Variants in YTHDF1 observed in about 807,000 individuals in gnomAD.
YTHDF1 encodes YTH domain-containing family protein 1.
In YTHDF1, 16 loss-of-function variants were observed where a neutral mutation model predicts 49.1. The ratio of observed to expected loss-of-function variants is 0.33; its 90% CI spans 0.22 to 0.49. The LOEUF (loss-of-function observed/expected upper bound fraction) is 0.49. Ranked by LOEUF, YTHDF1 falls within the 20% of genes least tolerant of loss-of-function variation. The pLI is 0.99. For synonymous variants in YTHDF1, 313 were observed against 290.1 expected, an observed-to-expected ratio of 1.08 and a Z score of -0.80; for missense variants, 621 against 744.3, an observed-to-expected ratio of 0.83 and a Z score of 1.93.
intron 3 of YTHDF1, among the ~76,000 whole-genome samples, chr20:63,207,069 C>T (rs945525735): frequency 2.6e-5 from 4 of 152,254 alleles, no homozygotes; most frequent in Non-Finnish European, 5.9e-5. Flanking sequence ...AGCGCTCACT[C>T]GCTGCCAAGT....
intron 3 of YTHDF1, among the ~76,000 whole-genome samples, chr20:63,205,952 T>C (rs2066543746): frequency 6.6e-6 from 1 of 151,322 alleles, no homozygotes; most frequent in South Asian, 2.1e-4. Context: ...TCAAAACAGT[T>C]TCCATGATGC....
intron 3 of YTHDF1, among the ~76,000 whole-genome samples, chr20:63,205,727 T>C (rs901180608): frequency 2.0e-5 from 3 of 152,152 alleles, no homozygotes; most frequent in Non-Finnish European, 4.4e-5. Context: ...CAGGCTGGTC[T>C]CGAACTCCCA....
Position 63,215,953 on chromosome 20 carries a change from C to A in YTHDF1, c.-61G>T. 1 of 1,240,230 alleles carries A rather than the reference C, an allele frequency of 8.1e-7. No homozygotes were observed. The highest frequency in any genetic ancestry group is 1.0e-6 in the Non-Finnish European group (1 of 987,128). 76.8% of individuals were successfully genotyped at this position (1,240,230 alleles called of 1,614,324 possible). A position where few individuals can be genotyped will look rare whatever the true frequency, so the allele number is the denominator to read the frequency against. ...CGCCGGCTCGGGCCTCCCCTAGAGG[C>A]CGGGCCTGTCACCCTAGCTCGCGCG... is the stretch of plus-strand genomic sequence containing the variant. On this transcript the variant is annotated 5_prime_UTR_variant, in exon 1 of 5. Coordinates refer to ENST00000370339, the MANE Select transcript of YTHDF1 (RefSeq NM_017798.4).
intron 3 of YTHDF1, among the ~76,000 whole-genome samples, chr20:63,206,523 T>C (rs6122104): frequency 0.34 from 51,003 of 152,116 alleles, 8,645 homozygotes; most frequent in Middle Eastern, 0.45. Flanking sequence ...CCTGCAGTTC[T>C]AGCCAGTACT....
chr20:63,212,572 G>C (rs983330454), intron 3 of YTHDF1, among the ~76,000 whole-genome samples: 2 of 152,254 alleles, frequency 1.3e-5, no homozygotes, highest in African/African-American at 4.8e-5. Flanking sequence ...GGAGCTCACA[G>C]AGGTGCAGCC....
At chr20:63,215,481 G>C in intron 2 of YTHDF1, 96 bp downstream of exon 2, 2 of 1,546,516 alleles carry the variant, frequency 1.3e-6, no homozygotes, top group Non-Finnish European at 1.8e-6. Flanking sequence ...TGGCGGAAGA[G>C]AGAAAGTTTC....
Position 63,215,883 on chromosome 20 carries a change from T to C in YTHDF1, c.10A>G (p.Thr4Ala). Reference protein sequence around the residue: MSATSVDTQRTKGQ... With the variant: MSAASVDTQRTKGQ... ...CCCGCTACCTGGGTGTCCACGCTGG[T>C]GGCCGACATGCTTCATGAACAACTA... The change falls in exon 1 of 5, where the codon ACC becomes GCC. Residue 4 changes from threonine (T) to alanine (A), a missense_variant. Physicochemically the swap from Thr to Ala is moderately conservative, Grantham distance 58 (BLOSUM62 0). Coordinates refer to ENST00000370339, the MANE Select transcript of YTHDF1 (RefSeq NM_017798.4). 2 of 1,447,296 alleles carry C rather than the reference T, an allele frequency of 1.4e-6. No homozygotes were observed. The highest frequency in any genetic ancestry group is 1.4e-5 in the South Asian group (1 of 73,388). 89.7% of individuals were successfully genotyped at this position (1,447,296 alleles called of 1,614,324 possible).
chr20:63,213,337 C>G (rs562622009), intron 3 of YTHDF1, among the ~76,000 whole-genome samples: 2 of 152,304 alleles, frequency 1.3e-5, no homozygotes, highest in South Asian at 4.1e-4. Context: ...GAGGCTGAGG[C>G]AGGAGGAATG....
In YTHDF1 at chr20:63,202,387, T is replaced by C. The variant is rs757663284; in HGVS notation, c.1553A>G (p.Gln518Arg). 6.2e-7 allele frequency: 1 copy of C among 1,614,278 alleles called. No homozygotes were observed. The highest frequency in any genetic ancestry group is 8.5e-7 in the Non-Finnish European group (1 of 1,180,046). ...TQEVPLEKAK[Q>R]VLKIISSYKH... Reference sequence around the variant, plus strand: ...GTAGGAACTGATAATTTTCAGCACTTGCTTGGCTTTTTCTAAGGGCACCTC... The same window carrying C: ...GTAGGAACTGATAATTTTCAGCACTCGCTTGGCTTTTTCTAAGGGCACCTC... Residue 518 changes from glutamine (Q) to arginine (R), a missense_variant, in exon 4 of 5, where the codon CAA (glutamine) becomes CGA (arginine). Transcript: ENST00000370339.
At position 63,202,340 on chromosome 20, in the gene YTHDF1, C is replaced by T. The variant is rs757206220; in HGVS notation, c.1600G>A (p.Asp534Asn). 6.2e-6 allele frequency: 10 copies of T among 1,614,234 alleles called. No individual in the cohort carries two copies. The highest frequency in any genetic ancestry group is 2.2e-5 in the East Asian group (1 of 44,894). ...SSYKHTTSIF[D>N]DFAHYEKRQE... ...CGCTTCTCGTAGTGAGCAAAGTCGT[C>T]GAAGATGGAGGTTGTGTGCTTGTAG... The change falls in exon 4 of 5, where the codon GAC (aspartate) becomes AAC (asparagine). Residue 534 changes from aspartate (D) to asparagine (N), a missense_variant. Around this residue, in one of 2 missense-constraint regions of YTHDF1, gnomAD observed 151 missense variants for 248.5 expected, o/e 0.61. Coordinates refer to ENST00000370339, the MANE Select transcript of YTHDF1 (RefSeq NM_017798.4).
chr20:63,201,457 T>C (rs1009748765), intron 4 of YTHDF1, among the ~76,000 whole-genome samples: 1 of 152,218 alleles, frequency 6.6e-6, no homozygotes, highest in African/African-American at 2.4e-5. Context: ...TATGTCAGCA[T>C]CATCATTTTC....
chr20:63,197,568 G>A (rs542829282), intron 4 of YTHDF1, among the ~76,000 whole-genome samples: 9 of 152,242 alleles, frequency 5.9e-5, no homozygotes, highest in South Asian at 2.1e-4. Context: ...AGGAGCACAC[G>A]CTGCACCACT....
At chr20:63,209,694 G>A (rs1381082596) in intron 3 of YTHDF1, among the ~76,000 whole-genome samples, 1 of 152,048 alleles carries the variant, frequency 6.6e-6, no homozygotes, top group South Asian at 2.1e-4. Flanking sequence ...CCCAGGTGAG[G>A]GAGAGACCCT....
At chr20:63,207,755 C>A (rs920908820) in intron 3 of YTHDF1, among the ~76,000 whole-genome samples, 4 of 152,064 alleles carry the variant, frequency 2.6e-5, no homozygotes, top group African/African-American at 7.2e-5. Flanking sequence ...GCCTGTAATC[C>A]CAGCACTTTG....
At chr20:63,214,029 C>T in intron 2 of YTHDF1, 86 bp from the exon 3 acceptor site, 1 of 1,489,474 alleles carries the variant, frequency 6.7e-7, no homozygotes. Context: ...AAGTCTATTT[C>T]CATCTATTTC....
chr20:63,215,733 C>T, intron 1 of YTHDF1, 132 bp from the exon 2 acceptor site: 1 of 1,383,942 alleles, frequency 7.2e-7, no homozygotes, highest in Non-Finnish European at 9.3e-7. Flanking sequence ...TCACGTGCGA[C>T]CCCGGCCCCG....
rs538094220 is a variant in YTHDF1 at position 63,207,789 on chromosome 20, A to G, written c.133-3982T>C. Among the ~76,000 whole-genome samples, 280 of 152,162 alleles carry G rather than the reference A, an allele frequency of 1.8e-3. 3 individuals carry two copies. The highest frequency in any genetic ancestry group is 2.4e-3 in the Non-Finnish European group (160 of 68,004). On this transcript the variant is annotated intron_variant, in intron 3 of 4. Coordinates refer to ENST00000370339, the MANE Select transcript of YTHDF1 (RefSeq NM_017798.4). ...TGGGAGGCCGAGGCAGGTGAATCAC[A>G]AGGTCAGGAGTTCGAGACTAGTCTG...
chr20:63,210,142 G>A (rs771609331), intron 3 of YTHDF1, among the ~76,000 whole-genome samples: 19 of 152,260 alleles, frequency 1.2e-4, no homozygotes, highest in Admixed American at 6.5e-4. Flanking sequence ...TAGCTCCAAC[G>A]TCACCAGGTG....
intron 3 of YTHDF1, among the ~76,000 whole-genome samples, chr20:63,208,162 GA>G (rs2066557301): frequency 6.6e-6 from 1 of 152,198 alleles, no homozygotes; most frequent in East Asian, 1.9e-4. Context: ...GATGGAGTTG[GA>G]ATGACCAAAA....
Sources: gnomAD v4.1 joint callset for allele counts (sites outside exome capture counted in the v4.1 genomes callset) on GRCh38, gnomAD v4.1.1 for gene constraint, gnomAD v4.1.1 regional missense constraint, MANE v1.5 for transcripts, NCBI Gene and HGNC (gene_info 2026-07-23, HGNC 2026-07-21) for gene names.